Variants in CPPED1 observed in about 807,000 individuals in gnomAD.
CPPED1 encodes serine/threonine-protein phosphatase CPPED1.
A neutral mutation model predicts 28.0 loss-of-function variants in CPPED1; 28 were observed. The observed-to-expected ratio is 1.00, with a 90% CI of 0.74 to 1.37. The LOEUF (loss-of-function observed/expected upper bound fraction) is 1.37. Among genes scored for constraint, CPPED1 ranks in the 40% most tolerant of loss-of-function variants. The probability of loss-of-function intolerance (pLI) is 0.00; values close to 1 mark genes in which losing one functional copy is unlikely to be tolerated. For missense variants in CPPED1, 504 were observed against 416.5 expected, an observed-to-expected ratio of 1.21 and a Z score of -1.83; for synonymous variants, 198 against 180.2, an observed-to-expected ratio of 1.10 and a Z score of -0.79.
At chr16:12,685,024 A>G (rs1373060600) in intron 3 of CPPED1, among the ~76,000 whole-genome samples, 2 of 152,182 alleles carry the variant, frequency 1.3e-5, no homozygotes, top group African/African-American at 4.8e-5. Flanking sequence ...AGGAGGCCTT[A>G]CTCACGACAG....
At chr16:12,766,256 T>TATAGAGAG in intron 2 of CPPED1, among the ~76,000 whole-genome samples, 25 of 134,290 alleles carry the variant, frequency 1.9e-4, no homozygotes, top group South Asian at 1.3e-3. Flanking sequence ...TATATATATA[T>TATAGAGAG]AGAGAGAGAG....
At chr16:12,715,795 C>T (rs1179807893) in intron 2 of CPPED1, among the ~76,000 whole-genome samples, 4 of 152,146 alleles carry the variant, frequency 2.6e-5, no homozygotes, top group East Asian at 1.9e-4. Context: ...CCCAAAGTGC[C>T]GGGATTACAG....
intron 3 of CPPED1, among the ~76,000 whole-genome samples, chr16:12,679,565 A>G (rs1266163469): frequency 5.9e-5 from 9 of 152,220 alleles, no homozygotes; most frequent in African/African-American, 2.2e-4. Context: ...ACATATATAC[A>G]TACACAAAAT....
intron 2 of CPPED1, among the ~76,000 whole-genome samples, chr16:12,737,895 C>T (rs1189162364): frequency 6.6e-6 from 1 of 152,176 alleles, no homozygotes; most frequent in Non-Finnish European, 1.5e-5. Flanking sequence ...CCCCTGCCTG[C>T]AAAACCGAGG....
intron 2 of CPPED1, among the ~76,000 whole-genome samples, chr16:12,721,722 C>T (rs891805713): frequency 6.6e-6 from 1 of 150,690 alleles, no homozygotes; most frequent in East Asian, 2.0e-4. Context: ...CCACTGCACT[C>T]TAGCCTGGGT....
Position 12,762,685 on chromosome 16 carries a change from G to A in CPPED1, c.289+18500C>T, listed in dbSNP as rs148579164. On this transcript the variant is annotated intron_variant, in intron 2 of 3. Transcript: ENST00000381774. ...TGGCTGCCTAGGGCTGGAGTCGGAGGTGAAGGGAAATAGGGAATGACAGCT... is the reference window on the plus strand; with the variant it reads ...TGGCTGCCTAGGGCTGGAGTCGGAGATGAAGGGAAATAGGGAATGACAGCT... Among the ~76,000 whole-genome samples, 703 of 152,270 alleles carry A rather than the reference G, an allele frequency of 4.6e-3. 10 individuals are homozygous for A. Among genetic ancestry groups the A allele is most frequent in the African/African-American group, 0.016 (663 of 41,544 alleles).
At chr16:12,732,494 GGAGAGA>G (rs35298221) in intron 2 of CPPED1, among the ~76,000 whole-genome samples, 20 of 145,386 alleles carry the variant, frequency 1.4e-4, no homozygotes, top group African/African-American at 1.5e-4. Flanking sequence ...ACACACAGAT[GGAGAGA>G]GAGAGAGAGA....
chr16:12,751,628 T>C (rs1310206448), intron 2 of CPPED1, among the ~76,000 whole-genome samples: 2 of 152,184 alleles, frequency 1.3e-5, no homozygotes, highest in Non-Finnish European at 1.5e-5. Flanking sequence ...TGTCTCCAAA[T>C]GTCTCATTAC....
At position 12,676,525 on chromosome 16, in the gene CPPED1, G is replaced by A. The variant is rs566365422; in HGVS notation, c.716-11410C>T. 2.6e-5 allele frequency among the ~76,000 whole-genome samples: 4 copies of A among 152,298 alleles called. No homozygotes were observed. In the South Asian group the frequency reaches 8.3e-4, roughly 32 times the overall value. ...AGGGAATGAGGCGAGGACAGGTTAA[G>A]TGACTTGCCTGGATTCACATAGCTA... is the stretch of plus-strand genomic sequence containing the variant. On this transcript the variant is annotated intron_variant, in intron 3 of 3. Transcript: ENST00000381774.
At chr16:12,688,876 C>A (rs1407212229) in intron 3 of CPPED1, among the ~76,000 whole-genome samples, 1 of 152,208 alleles carries the variant, frequency 6.6e-6, no homozygotes, top group Non-Finnish European at 1.5e-5. Context: ...AGTCAGAATG[C>A]TACATGTCTT....
At chr16:12,781,606 C>T (rs546038723) in intron 1 of CPPED1, among the ~76,000 whole-genome samples, 6 of 152,228 alleles carry the variant, frequency 3.9e-5, no homozygotes, top group African/African-American at 1.4e-4. Context: ...CCTGGTGATA[C>T]CCAAAGGCCA....
chr16:12,726,545 G>A (rs773284488), intron 2 of CPPED1, among the ~76,000 whole-genome samples: 24 of 151,962 alleles, frequency 1.6e-4, no homozygotes, highest in Non-Finnish European at 3.1e-4. Context: ...GTTTCACCCT[G>A]TTGGGCAGGC....
chr16:12,674,966 G>A (rs1006602432), intron 3 of CPPED1, among the ~76,000 whole-genome samples: 3 of 152,198 alleles, frequency 2.0e-5, no homozygotes, highest in African/African-American at 7.2e-5. Context: ...GCTTCTCACT[G>A]CTGGAGGGGG....
chr16:12,686,874 A>G (rs1490704476), intron 3 of CPPED1, among the ~76,000 whole-genome samples: 1 of 152,008 alleles, frequency 6.6e-6, no homozygotes, highest in Non-Finnish European at 1.5e-5. Context: ...GTAAAGTGGC[A>G]TAATTTTTTT....
At chr16:12,734,543 C>A (rs889994321) in intron 2 of CPPED1, among the ~76,000 whole-genome samples, 4 of 152,120 alleles carry the variant, frequency 2.6e-5, no homozygotes, top group African/African-American at 2.4e-5. Context: ...CTGTCCCCGG[C>A]TAATTTTCTG....
intron 2 of CPPED1, among the ~76,000 whole-genome samples, chr16:12,734,071 T>G (rs1036155387): frequency 1.6e-5 from 2 of 122,004 alleles, no homozygotes; most frequent in African/African-American, 6.0e-5. Context: ...TTTTTTTTTT[T>G]TTTTTTTTTT....
At chr16:12,729,717 T>C (rs976153864) in intron 2 of CPPED1, among the ~76,000 whole-genome samples, 5 of 152,142 alleles carry the variant, frequency 3.3e-5, no homozygotes, top group Non-Finnish European at 5.9e-5. Context: ...CAGTTAAATA[T>C]AGTAGATTGA....
intron 1 of CPPED1, among the ~76,000 whole-genome samples, chr16:12,783,793 C>G (rs1043848901): frequency 1.3e-5 from 2 of 152,164 alleles, no homozygotes; most frequent in Admixed American, 1.3e-4. Flanking sequence ...ATAAACCCAA[C>G]AGTCCTCAAC....
At position 12,664,906 on chromosome 16, in the gene CPPED1, C is replaced by T. The variant is rs1390141317; in HGVS notation, c.925G>A (p.Asp309Asn). The T allele has an allele frequency of 2.5e-6, 4 of 1,605,238 alleles. No individual in the cohort carries two copies. The highest frequency in any genetic ancestry group is 3.4e-6 in the Non-Finnish European group (4 of 1,177,022). The change falls in exon 4 of 4, where the codon GAT (aspartate) becomes AAT (asparagine). Residue 309 changes from aspartate to asparagine, a missense_variant. Physicochemically the swap from Asp to Asn is conservative, Grantham distance 23. Transcript: ENST00000381774. This position sits in a 1 kb window ranked among gnomAD's most constrained non-coding sequence, Gnocchi z 4.2. ...SEKGIEDDLM[D>N]LIKKK Reference sequence around the variant, plus strand: ...GAGCGTCATTTTTTCTTGATCAAATCCATGAGATCGTCTTCTATTCCTTTC... The same window carrying T: ...GAGCGTCATTTTTTCTTGATCAAATTCATGAGATCGTCTTCTATTCCTTTC...
Sources: allele counts gnomAD v4.1 joint callset (sites outside exome capture counted in the v4.1 genomes callset), GRCh38; gene constraint gnomAD v4.1.1; non-coding constraint Gnocchi (gnomAD v3.1); transcripts MANE v1.5; gene names NCBI Gene and HGNC (gene_info 2026-07-23, HGNC 2026-07-21).